Variants in PHF21B observed in about 807,000 individuals in gnomAD.
PHF21B encodes the protein PHD finger protein 4.
PHF21B carries 22 observed loss-of-function variants against 62.2 expected under a neutral mutation model. That is an observed-to-expected ratio of 0.35 (90% CI 0.25 to 0.51). PHF21B has a LOEUF of 0.51. Ranked by LOEUF, PHF21B falls within the 20% of genes least tolerant of loss-of-function variation. The pLI, the probability that PHF21B is intolerant of heterozygous loss-of-function variation, is 0.97. For synonymous variants in PHF21B, 341 were observed against 314.7 expected (o/e 1.08, Z -0.88); for missense variants, 701 against 707.9 (o/e 0.99, Z 0.11).
Position 44,911,245 on chromosome 22 carries a change from A to G in PHF21B, c.831+2577T>C, listed in dbSNP as rs140223082. Among the ~76,000 whole-genome samples the G allele has an allele frequency of 1.6e-3, 239 of 152,374 alleles. 1 individual carries two copies. The highest frequency in any genetic ancestry group is 5.6e-3 in the African/African-American group (232 of 41,596). On this transcript the variant is annotated intron_variant, in intron 5 of 12. Transcript: ENST00000313237. ...AAGTTCAGAAAATGTGCAGCCTGAC[A>G]ATGCGATAGAAAAGAAAAATCCCAT...
Position 44,956,782 on chromosome 22 carries a change from C to G in PHF21B, c.121-36292G>C, listed in dbSNP as rs147935312. 2.0e-5 allele frequency among the ~76,000 whole-genome samples: 3 copies of G among 152,318 alleles called. No homozygotes were observed. The East Asian group carries it at 5.8e-4, about 29-fold the overall frequency. ...CTGTTTCTGGAATCCACTTTGGAAA[C>G]AGAAAACTTGGGCTAAGGGACAGAG... On this transcript the variant is annotated intron_variant, in intron 2 of 12. Coordinates refer to ENST00000313237, the MANE Select transcript of PHF21B (RefSeq NM_138415.5).
intron 1 of PHF21B, 135 bp from the exon 2 acceptor site, chr22:45,008,745 C>A: frequency 4.3e-6 from 5 of 1,153,112 alleles, no homozygotes; most frequent in Non-Finnish European, 5.3e-6. Flanking sequence ...TTTCCCGGGC[C>A]GCGTCCTGCA....
chr22:44,995,140 T>TG (rs991127926), intron 2 of PHF21B, among the ~76,000 whole-genome samples: 2 of 151,888 alleles, frequency 1.3e-5, no homozygotes, highest in Non-Finnish European at 2.9e-5. Context: ...TGGGGAGGTA[T>TG]GGGGGGGATG....
At position 45,009,596 on chromosome 22, in the gene PHF21B, C is replaced by T. The variant is rs375967953; in HGVS notation, c.-47G>A. On this transcript the variant is annotated 5_prime_UTR_variant, in exon 1 of 13. Transcript: ENST00000313237. This position sits in a 1 kb window ranked among gnomAD's most constrained non-coding sequence, Gnocchi z 5.9. ...TTGCGCTCACTTTGGCCCGGGCTCC[C>T]GGGAAGTTGCGCGGCTCCGCGGGGG... 61 of 1,505,736 alleles carry T rather than the reference C, an allele frequency of 4.1e-5. No homozygotes were observed. The highest frequency in any genetic ancestry group is 2.0e-4 in the Middle Eastern group (1 of 4,930). 93.3% of individuals were successfully genotyped at this position (1,505,736 alleles called of 1,614,324 possible).
At chr22:44,990,004 C>A (rs1040167948) in intron 2 of PHF21B, among the ~76,000 whole-genome samples, 12 of 152,358 alleles carry the variant, frequency 7.9e-5, no homozygotes, top group Admixed American at 1.3e-4. Context: ...TCATAAAGTG[C>A]ACGCCGAAGG....
rs921675817 is a variant in PHF21B, at chr22:44,883,045, C to G, written c.*41G>C. On this transcript the variant is annotated 3_prime_UTR_variant, in exon 13 of 13. Transcript: ENST00000313237. Reference sequence around the variant, plus strand: ...AACCCCCAGGCTGTGTAAGCAGGGTCCCAATAACTTTCCGTGGGTATGAAG... The same window carrying G: ...AACCCCCAGGCTGTGTAAGCAGGGTGCCAATAACTTTCCGTGGGTATGAAG... 18 of 1,563,896 alleles carry G rather than the reference C, an allele frequency of 1.2e-5. No individual in the cohort carries two copies. Among genetic ancestry groups the G allele is most frequent in the Non-Finnish European group, 1.5e-5 (17 of 1,154,958 alleles).
chr22:44,987,896 G>A (rs538459525), intron 2 of PHF21B, among the ~76,000 whole-genome samples: 3 of 152,076 alleles, frequency 2.0e-5, no homozygotes, highest in Admixed American at 6.5e-5. Context: ...TGGGATGGAA[G>A]AACAGGAACT....
At chr22:44,976,063 C>G (rs2072733150) in intron 2 of PHF21B, among the ~76,000 whole-genome samples, 1 of 152,134 alleles carries the variant, frequency 6.6e-6, no homozygotes, top group South Asian at 2.1e-4. Flanking sequence ...CCCAGCTACT[C>G]AGGAGGCTGA....
At chr22:44,900,352 GT>G in intron 5 of PHF21B, among the ~76,000 whole-genome samples, 1 of 152,266 alleles carries the variant, frequency 6.6e-6, no homozygotes, top group African/African-American at 2.4e-5. Context: ...CCAGACTGGA[GT>G]GTAGTGGCAT....
At chr22:44,890,379 T>C (rs1048665855) in intron 8 of PHF21B, among the ~76,000 whole-genome samples, 1 of 152,212 alleles carries the variant, frequency 6.6e-6, no homozygotes, top group Non-Finnish European at 1.5e-5. Context: ...TATATATCTT[T>C]CAGGTTCCAG....
intron 2 of PHF21B, among the ~76,000 whole-genome samples, chr22:44,964,302 G>A (rs1255378024): frequency 6.6e-6 from 1 of 152,182 alleles, no homozygotes; most frequent in Non-Finnish European, 1.5e-5. Context: ...ACATTCAACA[G>A]TGAGGCCACT....
intron 2 of PHF21B, among the ~76,000 whole-genome samples, chr22:44,999,173 A>G (rs997380540): frequency 2.0e-5 from 3 of 152,236 alleles, no homozygotes; most frequent in Non-Finnish European, 4.4e-5. Flanking sequence ...TGGGACTGCT[A>G]CTACCGAACA....
At chr22:44,925,748 G>A (rs1601605593) in intron 2 of PHF21B, among the ~76,000 whole-genome samples, 1 of 152,106 alleles carries the variant, frequency 6.6e-6, no homozygotes, top group African/African-American at 2.4e-5. Context: ...CTCCCCTAAT[G>A]CATGTCTCAA....
chr22:44,907,480 C>T lies in PHF21B; in HGVS notation c.831+6342G>A, dbSNP rs1336343126. Among the ~76,000 whole-genome samples, 6 of 152,226 alleles carry T rather than the reference C, an allele frequency of 3.9e-5. No homozygotes were observed. The East Asian group carries it at 5.8e-4, about 15-fold the overall frequency. On this transcript the variant is annotated intron_variant, in intron 5 of 12. Coordinates refer to ENST00000313237, the MANE Select transcript of PHF21B (RefSeq NM_138415.5). ...CGCACGTGCCTGGTGCGGAGTGGGGCGTGGGATGTACACGGCCTGGGAGCC... is the reference window on the plus strand; with the variant it reads ...CGCACGTGCCTGGTGCGGAGTGGGGTGTGGGATGTACACGGCCTGGGAGCC...
At chr22:45,008,867 G>A (rs2073375089) in intron 1 of PHF21B, 2 of 1,177,564 alleles carry the variant, frequency 1.7e-6, no homozygotes, top group South Asian at 4.2e-5. Flanking sequence ...CGCGCCCCGA[G>A]CCGTGCAAGT....
At chr22:44,914,296 G>T (rs2071398117) in intron 4 of PHF21B, among the ~76,000 whole-genome samples, 1 of 152,250 alleles carries the variant, frequency 6.6e-6, no homozygotes, top group Middle Eastern at 3.4e-3. Flanking sequence ...CATGGGGAGG[G>T]TCTGCATGAG....
At chr22:45,004,691 G>C (rs963354709) in intron 2 of PHF21B, among the ~76,000 whole-genome samples, 4 of 152,208 alleles carry the variant, frequency 2.6e-5, no homozygotes, top group Admixed American at 1.3e-4. Flanking sequence ...GTGGGGCTGT[G>C]GATAACCCCC....
chr22:44,943,997 A>G (rs889072190), intron 2 of PHF21B, among the ~76,000 whole-genome samples: 1 of 152,150 alleles, frequency 6.6e-6, no homozygotes, highest in Non-Finnish European at 1.5e-5. Flanking sequence ...ACCCTGAGGG[A>G]AGGAACAGCG....
chr22:45,006,558 A>G (rs2073317654), intron 2 of PHF21B, among the ~76,000 whole-genome samples: 1 of 152,230 alleles, frequency 6.6e-6, no homozygotes, highest in South Asian at 2.1e-4. Flanking sequence ...GATAATAAAT[A>G]GCGACTCATT....
Sources: gnomAD v4.1 joint callset for allele counts (sites outside exome capture counted in the v4.1 genomes callset) on GRCh38, gnomAD v4.1.1 for gene constraint, Gnocchi (gnomAD v3.1) non-coding constraint, MANE v1.5 for transcripts, NCBI Gene and HGNC (gene_info 2026-07-23, HGNC 2026-07-21) for gene names.